The following NDUFS3 variants were observed in gnomAD, a reference collection of about 807,000 sequenced individuals.
The protein encoded by NDUFS3 is NADH dehydrogenase [ubiquinone] iron-sulfur protein 3, mitochondrial.
A neutral mutation model predicts 30.8 loss-of-function variants in NDUFS3; 19 were observed. That is an observed-to-expected ratio of 0.62 (90% CI 0.43 to 0.91). NDUFS3 has a LOEUF of 0.91. Among genes scored for constraint, NDUFS3 ranks in the 40% least tolerant of loss-of-function variants. NDUFS3 has a pLI of 0.00. For synonymous variants in NDUFS3, 153 were observed against 135.8 expected (o/e 1.13, Z -0.88); for missense variants, 331 against 342.0 (o/e 0.97, Z 0.25).
chr11:47,582,928 C>T (rs113319227), intron 6 of NDUFS3, among the ~76,000 whole-genome samples: 8 of 151,990 alleles, frequency 5.3e-5, no homozygotes, highest in South Asian at 2.1e-4. Context: ...GCCTAGAAGG[C>T]GGAGGTTGCA....
chr11:47,584,105 A>G lies in NDUFS3; in HGVS notation c.628-209A>G, dbSNP rs2097269999. 3.9e-5 allele frequency among the ~76,000 whole-genome samples: 6 copies of G among 152,062 alleles called. No homozygotes were observed. In the South Asian group the frequency reaches 1.0e-3, roughly 26 times the overall value. On this transcript the variant is annotated intron_variant, in intron 6 of 6. Coordinates refer to ENST00000263774, the MANE Select transcript of NDUFS3 (RefSeq NM_004551.3). ...TGGCAGGGCATGAGAGGTATCCTAC[A>G]TTTTGGAATCACACACTCTAGCTGG...
Sources: gnomAD v4.1 joint callset for allele counts (sites outside exome capture counted in the v4.1 genomes callset) on GRCh38, gnomAD v4.1.1 for gene constraint, MANE v1.5 for transcripts, NCBI Gene and HGNC (gene_info 2026-07-23, HGNC 2026-07-21) for gene names.